Variants in KDM4C observed in about 807,000 individuals in gnomAD.
The protein encoded by KDM4C is lysine-specific demethylase 4C.
Under a neutral mutation model 129.3 loss-of-function variants are expected in KDM4C, and 81 were observed. That is an observed-to-expected ratio of 0.63 (90% CI 0.52 to 0.75). The LOEUF is 0.75. Among genes scored for constraint, KDM4C ranks in the 30% least tolerant of loss-of-function variants. The pLI is 0.00. For missense variants in KDM4C, 1,457 were observed against 1,304.0 expected (o/e 1.12, Z -1.81); for synonymous variants, 573 against 456.1 (o/e 1.26, Z -3.26).
chr9:6,851,592 C>A (rs1838858232), intron 5 of KDM4C, among the ~76,000 whole-genome samples: 1 of 152,118 alleles, frequency 6.6e-6, no homozygotes, highest in African/African-American at 2.4e-5. Context: ...CTTAAGAAAT[C>A]TGAAAAGTTA....
At chr9:7,157,581 C>T (rs770884891) in intron 19 of KDM4C, among the ~76,000 whole-genome samples, 27 of 152,132 alleles carry the variant, frequency 1.8e-4, no homozygotes, top group Non-Finnish European at 3.4e-4. Flanking sequence ...TGAATTTTGT[C>T]GAAGGCCTTT....
At chr9:6,800,986 A>G (rs1828838557) in intron 2 of KDM4C, among the ~76,000 whole-genome samples, 1 of 152,130 alleles carries the variant, frequency 6.6e-6, no homozygotes, top group African/African-American at 2.4e-5. Flanking sequence ...GTATCCTTAT[A>G]TTGCTAATGA....
At chr9:6,967,363 G>A (rs1000722486) in intron 8 of KDM4C, among the ~76,000 whole-genome samples, 4 of 150,778 alleles carry the variant, frequency 2.7e-5, no homozygotes, top group African/African-American at 9.8e-5. Context: ...GGCGGAGGTT[G>A]CAGTGAGCCA....
At chr9:6,889,211 T>TTGTGTGTGTGTGTGTGTGTGTGTG (rs34443147) in intron 7 of KDM4C, among the ~76,000 whole-genome samples, 2 of 61,614 alleles carry the variant, frequency 3.2e-5, no homozygotes, top group Admixed American at 4.2e-4. Context: ...GGCCTTCTTT[T>TTGTGTGTGTGTGTGTGTGTGTGTG]TGTGTGTGTG....
At chr9:6,945,069 C>T (rs1023215155) in intron 8 of KDM4C, among the ~76,000 whole-genome samples, 1 of 152,052 alleles carries the variant, frequency 6.6e-6, no homozygotes, top group Non-Finnish European at 1.5e-5. Context: ...CTCCTTCTCA[C>T]TCTCTTTCTT....
At chr9:6,751,275 G>A (rs749651432) in intron 1 of KDM4C, among the ~76,000 whole-genome samples, 34 of 151,940 alleles carry the variant, frequency 2.2e-4, no homozygotes, top group Non-Finnish European at 4.1e-4. Context: ...GCAAAACCCC[G>A]TCTCTACAAA....
chr9:6,753,868 C>CTTT (rs869158656), upstream of KDM4C, among the ~76,000 whole-genome samples: 443 of 80,398 alleles, frequency 5.5e-3, 2 homozygotes, highest in Non-Finnish European at 7.1e-3. Context: ...TCATTGAATT[C>CTTT]TTTTTTTTTT....
At chr9:6,798,939 C>T (rs1194908527) in intron 2 of KDM4C, among the ~76,000 whole-genome samples, 1 of 146,704 alleles carries the variant, frequency 6.8e-6, no homozygotes, top group African/African-American at 2.5e-5. Flanking sequence ...GCGGTCGGGT[C>T]GAGGCGCTCC....
At chr9:7,134,721 A>C (rs756126022) in intron 19 of KDM4C, among the ~76,000 whole-genome samples, 1 of 152,230 alleles carries the variant, frequency 6.6e-6, no homozygotes, top group African/African-American at 2.4e-5. Context: ...TCAAGGGGAA[A>C]CAATATTACC....
At chr9:6,807,267 C>G (rs2131043017) in intron 3 of KDM4C, among the ~76,000 whole-genome samples, 1 of 152,160 alleles carries the variant, frequency 6.6e-6, no homozygotes, top group Non-Finnish European at 1.5e-5. Context: ...CTTGGCCTCC[C>G]AAAGTGCCGA....
At chr9:6,909,370 C>T (rs1818871557) in intron 8 of KDM4C, among the ~76,000 whole-genome samples, 1 of 152,200 alleles carries the variant, frequency 6.6e-6, no homozygotes, top group South Asian at 2.1e-4. Context: ...TCAAGTGTAA[C>T]ACCTTTCTGT....
At chr9:6,784,211 C>T (rs1359326933) in intron 1 of KDM4C, among the ~76,000 whole-genome samples, 1 of 152,042 alleles carries the variant, frequency 6.6e-6, no homozygotes, top group African/African-American at 2.4e-5. Context: ...GAAGCAGAGG[C>T]CTCATTTAAG....
chr9:7,069,124 A>G (rs1203601039), intron 17 of KDM4C, among the ~76,000 whole-genome samples: 1 of 152,204 alleles, frequency 6.6e-6, no homozygotes, highest in Non-Finnish European at 1.5e-5. Flanking sequence ...GATTCAGCAT[A>G]GAGTACTCCA....
At chr9:7,146,842 G>A (rs535432313) in intron 19 of KDM4C, among the ~76,000 whole-genome samples, 1 of 152,270 alleles carries the variant, frequency 6.6e-6, no homozygotes, top group South Asian at 2.1e-4. Context: ...TAACAAACAC[G>A]ATTGTCCTCT....
intron 4 of KDM4C, among the ~76,000 whole-genome samples, chr9:6,847,399 T>A (rs1279344977): frequency 6.6e-6 from 1 of 151,886 alleles, no homozygotes; most frequent in Non-Finnish European, 1.5e-5. Flanking sequence ...GGATCTTCTC[T>A]TTTTTTGTTT....
In KDM4C at chr9:6,931,989, G is replaced by A. The variant is rs566213134; in HGVS notation, c.921+38757G>A. Among the ~76,000 whole-genome samples, 14 of 152,356 alleles carry A rather than the reference G, an allele frequency of 9.2e-5. No individual in the cohort carries two copies. In the South Asian group the frequency reaches 2.5e-3, roughly 27 times the overall value. On this transcript the variant is annotated intron_variant, in intron 8 of 21. Coordinates refer to ENST00000381309, the MANE Select transcript of KDM4C (RefSeq NM_015061.6). ...TGTGCCCTGCAGGGTAAAGAGAGGAGTGAGGACAGAAAAAGTGTCAGTGAT... is the reference window on the plus strand; with the variant it reads ...TGTGCCCTGCAGGGTAAAGAGAGGAATGAGGACAGAAAAAGTGTCAGTGAT...
chr9:6,868,502 G>A (rs186148120), intron 5 of KDM4C, among the ~76,000 whole-genome samples: 201 of 152,238 alleles, frequency 1.3e-3, no homozygotes, highest in Middle Eastern at 3.4e-3. Flanking sequence ...ACCTGTGGCT[G>A]CTCACGTCCC....
Position 6,806,768 on chromosome 9 carries a change from C to A in KDM4C, c.320+994C>A, listed in dbSNP as rs1830048427. 2.6e-5 allele frequency among the ~76,000 whole-genome samples: 4 copies of A among 152,222 alleles called. 1 individual carries two copies. In the South Asian group the frequency reaches 8.3e-4, roughly 32 times the overall value. ...TGGACTGCTCTTCATGTCATGGCAG[C>A]TGGCTTCTCCCAGAGCAAGTGATCC... On this transcript the variant is annotated intron_variant, in intron 3 of 21. Transcript: ENST00000381309.
At chr9:6,870,822 C>G (rs1464872426) in intron 5 of KDM4C, among the ~76,000 whole-genome samples, 1 of 151,694 alleles carries the variant, frequency 6.6e-6, no homozygotes, top group South Asian at 2.1e-4. Flanking sequence ...TTCACACGGC[C>G]TTAGTTAGGC....
Sources: gnomAD v4.1 joint callset for allele counts (sites outside exome capture counted in the v4.1 genomes callset) on GRCh38, gnomAD v4.1.1 for gene constraint, MANE v1.5 for transcripts, NCBI Gene and HGNC (gene_info 2026-07-23, HGNC 2026-07-21) for gene names.